Variants in CSTPP1 observed in about 807,000 individuals in gnomAD.
CSTPP1 encodes centriolar satellite-associated tubulin polyglutamylase complex regulator 1.
chr11:47,019,350 G>A, the CSTPP1 span, among the ~76,000 whole-genome samples: 1 of 152,078 alleles, frequency 6.6e-6, no homozygotes, highest in Non-Finnish European at 1.5e-5. Context: ...CTTTTTCTTT[G>A]CATTCACAAC....
chr11:47,157,769 C>A, the CSTPP1 span: 1 of 1,578,404 alleles, frequency 6.3e-7, no homozygotes, highest in Non-Finnish European at 8.7e-7. Flanking sequence ...CAGAGGTGGC[C>A]CTGAGGCTGG....
the CSTPP1 span, among the ~76,000 whole-genome samples, chr11:47,098,423 A>G: frequency 6.6e-6 from 1 of 151,946 alleles, no homozygotes; most frequent in East Asian, 1.9e-4. Context: ...TGTCTAGAGC[A>G]GGGCTTCAGA....
the CSTPP1 span, among the ~76,000 whole-genome samples, chr11:47,022,516 T>C: frequency 2.0e-5 from 3 of 151,832 alleles, no homozygotes; most frequent in African/African-American, 7.2e-5. Context: ...ACTACAGGCG[T>C]GCGCCACCAC....
the CSTPP1 span, among the ~76,000 whole-genome samples, chr11:47,036,378 G>C: frequency 9.4e-6 from 1 of 106,642 alleles, no homozygotes; most frequent in African/African-American, 2.8e-5. Flanking sequence ...CGTACTGCAG[G>C]GGGTTGGAGA....
At chr11:47,001,042 C>T in the CSTPP1 span, among the ~76,000 whole-genome samples, 2 of 152,152 alleles carry the variant, frequency 1.3e-5, no homozygotes, top group Admixed American at 1.3e-4. Flanking sequence ...CAGGGAAGTC[C>T]TCTTGGAAGA....
At chr11:47,095,005 T>C in the CSTPP1 span, among the ~76,000 whole-genome samples, 11 of 152,062 alleles carry the variant, frequency 7.2e-5, no homozygotes, top group Non-Finnish European at 1.2e-4. Flanking sequence ...TGGAGATATT[T>C]TTATTTTACT....
chr11:47,150,862 G>A, the CSTPP1 span, among the ~76,000 whole-genome samples: 1 of 151,396 alleles, frequency 6.6e-6, no homozygotes, highest in South Asian at 2.1e-4. Context: ...GTGTCCTAAG[G>A]GCAATGGGAA....
the CSTPP1 span, among the ~76,000 whole-genome samples, chr11:47,015,897 C>T: frequency 6.6e-6 from 1 of 151,996 alleles, no homozygotes; most frequent in African/African-American, 2.4e-5. Context: ...AAAAAAAGAT[C>T]ATTTCAATAA....
At chr11:47,118,480 G>C in the CSTPP1 span, among the ~76,000 whole-genome samples, 1 of 152,178 alleles carries the variant, frequency 6.6e-6, no homozygotes, top group Non-Finnish European at 1.5e-5. Context: ...TCTCTGTCCA[G>C]CTTTGCTCTG....
chr11:47,083,272 T>C, the CSTPP1 span, among the ~76,000 whole-genome samples: 1 of 152,246 alleles, frequency 6.6e-6, no homozygotes, highest in Non-Finnish European at 1.5e-5. Flanking sequence ...TGTTGTAACA[T>C]GTATCAGTAC....
the CSTPP1 span, among the ~76,000 whole-genome samples, chr11:47,020,981 G>A: frequency 5.3e-5 from 8 of 152,164 alleles, no homozygotes; most frequent in Non-Finnish European, 1.2e-4. Flanking sequence ...TGTAGTGGCA[G>A]TAGATGGTAT....
At chr11:47,031,115 A>G in the CSTPP1 span, among the ~76,000 whole-genome samples, 4 of 152,238 alleles carry the variant, frequency 2.6e-5, no homozygotes, top group Admixed American at 2.6e-4. Context: ...ATTTAAATCA[A>G]TTCTTGCTTT....
At chr11:47,023,689 G>A in the CSTPP1 span, among the ~76,000 whole-genome samples, 77 of 152,238 alleles carry the variant, frequency 5.1e-4, no homozygotes, top group Non-Finnish European at 8.2e-4. Context: ...GGTACCTCAA[G>A]TAAGTGAACT....
the CSTPP1 span, among the ~76,000 whole-genome samples, chr11:47,088,053 C>A: frequency 6.6e-6 from 1 of 152,198 alleles, no homozygotes; most frequent in African/African-American, 2.4e-5. Flanking sequence ...AAGAAGAGAG[C>A]AAGCAGGAAG....
At chr11:47,113,136 T>C in the CSTPP1 span, among the ~76,000 whole-genome samples, 8 of 152,338 alleles carry the variant, frequency 5.3e-5, no homozygotes, top group Non-Finnish European at 7.3e-5. Context: ...TGATGGTTTC[T>C]AGCTTCATCT....
the CSTPP1 span, among the ~76,000 whole-genome samples, chr11:47,033,410 T>G: frequency 6.6e-6 from 1 of 152,232 alleles, no homozygotes; most frequent in Non-Finnish European, 1.5e-5. Flanking sequence ...TTTCTGGCCC[T>G]GCTTCTGTGT....
chr11:47,162,147 AGAT>A, the CSTPP1 span: 2 of 985,882 alleles, frequency 2.0e-6, no homozygotes, highest in Non-Finnish European at 1.2e-6. Flanking sequence ...GTGGGCCAGA[AGAT>A]GATTTCACTT....
the CSTPP1 span, among the ~76,000 whole-genome samples, chr11:47,017,094 GC>G: frequency 6.7e-6 from 1 of 148,724 alleles, no homozygotes; most frequent in Non-Finnish European, 1.5e-5. Flanking sequence ...CTCATGATCT[GC>G]CCGCCTCAGC....
the CSTPP1 span, among the ~76,000 whole-genome samples, chr11:47,079,362 A>G: frequency 6.6e-6 from 1 of 152,192 alleles, no homozygotes; most frequent in Non-Finnish European, 1.5e-5. Flanking sequence ...CAGATGGAAG[A>G]AATAGATAAA....
Sources: gnomAD v4.1 joint callset for allele counts (sites outside exome capture counted in the v4.1 genomes callset) on GRCh38, gnomAD v4.1.1 for gene constraint, MANE v1.5 for transcripts, NCBI Gene and HGNC (gene_info 2026-07-23, HGNC 2026-07-21) for gene names.